Variants in MYSM1 observed in about 807,000 individuals in gnomAD.
The protein encoded by MYSM1 is Myb like, SWIRM and MPN domains 1, also known as deubiquitinase MYSM1.
MYSM1 carries 51 observed loss-of-function variants against 116.0 expected under a neutral mutation model. That is an observed-to-expected ratio of 0.44 (90% CI 0.35 to 0.56). The LOEUF is 0.56. Among genes scored for constraint, MYSM1 ranks in the 20% least tolerant of loss-of-function variants. MYSM1 has a pLI of 0.00. For missense variants in MYSM1, 900 were observed against 974.9 expected, an observed-to-expected ratio of 0.92 and a Z score of 1.02; for synonymous variants, 313 against 315.2, an observed-to-expected ratio of 0.99 and a Z score of 0.07.
chr1:58,672,951 G>A (rs1434331494), intron 11 of MYSM1, among the ~76,000 whole-genome samples: 1 of 152,188 alleles, frequency 6.6e-6, no homozygotes, highest in Non-Finnish European at 1.5e-5. Context: ...GGAGGAAAGA[G>A]AACTCAAGTT....
intron 18 of MYSM1, 27 bp downstream of exon 18, chr1:58,661,379 G>A: frequency 7.2e-7 from 1 of 1,398,012 alleles, no homozygotes; most frequent in Non-Finnish European, 1.0e-6. Context: ...CTGCAGATGT[G>A]CAACCATCTC....
intron 6 of MYSM1, 36 bp downstream of exon 6, chr1:58,689,002 A>G: frequency 1.9e-6 from 3 of 1,549,978 alleles, no homozygotes; most frequent in Non-Finnish European, 2.6e-6. Context: ...TGCTTCTAGA[A>G]TTATTTTACT....
intron 1 of MYSM1, among the ~76,000 whole-genome samples, chr1:58,696,036 A>T (rs569156127): frequency 6.6e-6 from 1 of 152,326 alleles, no homozygotes; most frequent in East Asian, 1.9e-4. Flanking sequence ...TATAAATCTG[A>T]ATCTTTAATT....
At chr1:58,668,084 A>G (rs1366165018) in intron 14 of MYSM1, among the ~76,000 whole-genome samples, 163 bp from the exon 15 acceptor site, 2 of 152,172 alleles carry the variant, frequency 1.3e-5, no homozygotes, top group Admixed American at 6.5e-5. Flanking sequence ...AGTGCACAGA[A>G]ACTAAGATTT....
At position 58,698,084 on chromosome 1, in the gene MYSM1, C is replaced by CTATATATATATA. The variant is rs374389099; in HGVS notation, c.68+1889_68+1900dup. Among the ~76,000 whole-genome samples the CTATATATATATA allele has an allele frequency of 1.6e-3, 49 of 31,340 alleles. 5 individuals are homozygous for CTATATATATATA. The highest frequency in any genetic ancestry group is 3.8e-3 in the East Asian group (5 of 1,304). 20.6% of individuals were successfully genotyped at this position (31,340 alleles called of 152,430 possible). Reference sequence around the variant, plus strand: ...ACACCACTGGACACTATTTATCAGACTATATATATATATATATATTTTTTT... The same window carrying CTATATATATATA: ...ACACCACTGGACACTATTTATCAGACTATATATATATATATATATATATATATATATTTTTTT... On this transcript the variant is annotated intron_variant, in intron 1 of 19. Coordinates refer to ENST00000472487, the MANE Select transcript of MYSM1 (RefSeq NM_001085487.3).
In MYSM1 at chr1:58,656,213, A is replaced by G. The variant is rs1281565616; in HGVS notation, c.*3784T>C. The G allele has an allele frequency of 6.6e-6, 1 of 152,258 alleles. No individual in the cohort carries two copies. Among genetic ancestry groups the G allele is most frequent in the Admixed American group, 6.5e-5 (1 of 15,276 alleles). 9.4% of individuals were successfully genotyped at this position (152,258 alleles called of 1,614,324 possible). ...GGTTCTGACTGTGCTTACAGTCTGC[A>G]TGTCACAGACCTCAACCCCACTCCT... On this transcript the variant is annotated 3_prime_UTR_variant, in exon 20 of 20. Coordinates refer to ENST00000472487, the MANE Select transcript of MYSM1 (RefSeq NM_001085487.3).
At chr1:58,676,469 G>A (rs1163272409) in intron 9 of MYSM1, among the ~76,000 whole-genome samples, 4 of 149,850 alleles carry the variant, frequency 2.7e-5, no homozygotes, top group Admixed American at 2.7e-4. Flanking sequence ...CTTTAAATTT[G>A]AAAAAAACTA....
At chr1:58,668,726 G>A in intron 13 of MYSM1, 44 bp from the exon 14 acceptor site, 1 of 1,547,400 alleles carries the variant, frequency 6.5e-7, no homozygotes, top group Non-Finnish European at 8.8e-7. Flanking sequence ...CATAAAAATA[G>A]AGATTTTTGT....
Position 58,681,925 on chromosome 1 carries a change from C to T in MYSM1, c.1119G>A (p.Lys373=), listed in dbSNP as rs1644751968. ...VEESHEEEEL[K]PPEQEIEIDR... ...CTATTTCTATTTCCTGTTCTGGTGG[C>T]TTAAGCTCTTCTTCCTCATGGCTTT... Residue 373 remains lysine, a synonymous_variant, in exon 8 of 20, where the codon AAG becomes AAA. Transcript: ENST00000472487. The T allele has an allele frequency of 1.2e-6, 2 of 1,614,038 alleles. No homozygotes were observed. Among genetic ancestry groups the T allele is most frequent in the Non-Finnish European group, 1.7e-6 (2 of 1,180,002 alleles).
At chr1:58,684,166 C>A (rs6661922) in intron 7 of MYSM1, among the ~76,000 whole-genome samples, 136,357 of 152,190 alleles carry the variant, frequency 0.9, 61,103 homozygotes, top group East Asian at 0.93. Flanking sequence ...CAAATCTTAC[C>A]TACAGGGTAG....
chr1:58,694,614 T>C (rs1176835895), intron 2 of MYSM1, among the ~76,000 whole-genome samples: 1 of 148,706 alleles, frequency 6.7e-6, no homozygotes, highest in Non-Finnish European at 1.5e-5. Context: ...AGAGACTGCA[T>C]CTCAAAAAAA....
intron 19 of MYSM1, 104 bp downstream of exon 19, chr1:58,661,066 C>T: frequency 1.2e-6 from 1 of 800,404 alleles, no homozygotes; most frequent in Non-Finnish European, 2.0e-6. Flanking sequence ...AAGAAATATA[C>T]AGAAAATTAT....
chr1:58,662,002 T>TATCTCAA (rs1480311924), intron 17 of MYSM1, among the ~76,000 whole-genome samples: 1 of 151,870 alleles, frequency 6.6e-6, no homozygotes, highest in Non-Finnish European at 1.5e-5. Flanking sequence ...AAACTGAAGC[T>TATCTCAA]GAGATACATT....
intron 11 of MYSM1, 122 bp from the exon 12 acceptor site, chr1:58,672,080 G>A: frequency 1.4e-6 from 1 of 708,860 alleles, no homozygotes; most frequent in Non-Finnish European, 2.3e-6. Flanking sequence ...GATATAGATG[G>A]GCTTCCTTTT....
intron 8 of MYSM1, among the ~76,000 whole-genome samples, chr1:58,677,936 A>G (rs1307720082): frequency 3.9e-5 from 6 of 152,164 alleles, no homozygotes; most frequent in South Asian, 2.1e-4. Context: ...AGGTATTCAG[A>G]TATCTCATAT....
In MYSM1 at chr1:58,675,570, C is replaced by T. The variant is rs1456584795; in HGVS notation, c.1401G>A (p.Val467=). 2 of 1,612,780 alleles carry T rather than the reference C, an allele frequency of 1.2e-6. No individual in the cohort carries two copies. The highest frequency in any genetic ancestry group is 2.7e-5 in the African/African-American group (2 of 74,890). The stretch of plus-strand genomic sequence containing the variant: ...TGTCAACTGTTTGTGGCCTATTATA[C>T]ACAGCCTGTTCTATTGGAATTCAGG... ...GAINFGCEQA[V]YNRPQTVDKV... is the part of the protein sequence containing the mutation. The change falls in exon 10 of 20, where the codon GTG becomes GTA. Residue 467 remains valine, a synonymous_variant. Coordinates refer to ENST00000472487, the MANE Select transcript of MYSM1 (RefSeq NM_001085487.3).
chr1:58,661,551 C>A, intron 17 of MYSM1, 40 bp from the exon 18 acceptor site: 1 of 1,113,190 alleles, frequency 9.0e-7, no homozygotes, highest in South Asian at 1.3e-5. Flanking sequence ...TCAACTATTT[C>A]TTAACTCTCC....
At chr1:58,677,428 T>G (rs146004706) in intron 8 of MYSM1, among the ~76,000 whole-genome samples, 308 of 152,274 alleles carry the variant, frequency 2.0e-3, no homozygotes, top group African/African-American at 6.9e-3. Flanking sequence ...CGTTTCCAAT[T>G]TGTAATATAT....
In MYSM1 at chr1:58,656,418, G is replaced by C. The variant is rs1350851134; in HGVS notation, c.*3579C>G. 6.6e-6 allele frequency: 1 copy of C among 152,210 alleles called. No homozygotes were observed. The highest frequency in any genetic ancestry group is 2.4e-5 in the African/African-American group (1 of 41,448). 9.4% of individuals were successfully genotyped at this position (152,210 alleles called of 1,614,324 possible). Reference sequence around the variant, plus strand: ...ATGCAGGGAGTGATGATGAAGGAAAGGGTTTGTGGGAAATGGAGAGGAAAG... The same window carrying C: ...ATGCAGGGAGTGATGATGAAGGAAACGGTTTGTGGGAAATGGAGAGGAAAG... On this transcript the variant is annotated 3_prime_UTR_variant, in exon 20 of 20. Transcript: ENST00000472487.
Sources: allele counts gnomAD v4.1 joint callset (sites outside exome capture counted in the v4.1 genomes callset), GRCh38; gene constraint gnomAD v4.1.1; transcripts MANE v1.5; gene names NCBI Gene and HGNC (gene_info 2026-07-23, HGNC 2026-07-21).